The following FGA variants were observed in gnomAD, a reference collection of about 807,000 sequenced individuals.
FGA encodes the protein fibrinogen, A alpha polypeptide.
FGA carries 20 observed loss-of-function variants against 20.3 expected under a neutral mutation model. The observed-to-expected ratio is 0.99, with a 90% CI of 0.69 to 1.43. The LOEUF (loss-of-function observed/expected upper bound fraction) is 1.43, where lower values mean the gene tolerates loss of function less well. Among genes scored for constraint, FGA ranks in the 40% most tolerant of loss-of-function variants. FGA has a pLI of 0.00. For synonymous variants in FGA, 306 were observed against 281.6 expected (o/e 1.09, Z -0.87); for missense variants, 777 against 784.7 (o/e 0.99, Z 0.12).
chr4:154,590,114 T>C (rs1266587887), intron 1 of FGA, among the ~76,000 whole-genome samples: 2 of 152,232 alleles, frequency 1.3e-5, no homozygotes, highest in Admixed American at 1.3e-4. Flanking sequence ...TAATCTCTTC[T>C]GATACTGCAA....
At chr4:154,584,900 T>A, downstream of FGA, 1 of 1,175,636 alleles carries the variant, frequency 8.5e-7, no homozygotes, top group South Asian at 1.2e-5. Context: ...TAGGCACGGC[T>A]CAGATTAAAT....
chr4:154,587,021 A>AT (rs908885120), intron 4 of FGA, 103 bp from the exon 5 acceptor site: 122 of 1,192,874 alleles, frequency 1.0e-4, no homozygotes, highest in African/African-American at 6.8e-4. Flanking sequence ...AACTGGTTTC[A>AT]TTTTTTTTGA....
rs1407449111 is a variant in FGA, at chr4:154,586,360, T to A, written c.1069A>T (p.Thr357Ser). The A allele has an allele frequency of 6.2e-7, 1 of 1,614,178 alleles. No individual in the cohort carries two copies. The highest frequency in any genetic ancestry group is 1.3e-5 in the African/African-American group (1 of 75,034). ...QNPGSPRPGSTGTWNPGSSER... is the reference protein window; with the variant it reads ...QNPGSPRPGSSGTWNPGSSER... ...GAGCTGCCAGGATTCCAGGTTCCGG[T>A]ACTACCAGGTCTAGGGCTCCCAGGG... The change falls in exon 5 of 5, where the codon ACC becomes TCC. Residue 357 changes from threonine to serine, a missense_variant. Coordinates refer to ENST00000403106, the MANE Select transcript of FGA (RefSeq NM_021871.4).
Position 154,585,503 on chromosome 4 carries a change from C to T in FGA, c.1926G>A (p.Leu642=), listed in dbSNP as rs1313361407. 6.3e-7 allele frequency: 1 copy of T among 1,586,780 alleles called. No homozygotes were observed. Among genetic ancestry groups the T allele is most frequent in the African/African-American group, 1.3e-5 (1 of 74,284 alleles). The part of the protein sequence containing the change: ...IHTSPLGKPS[L]SP ...AAATATTTAACTTAGTCTAGGGGGA[C>T]AGGGAAGGCTTCCCCAAAGGAGAAG... is the stretch of plus-strand genomic sequence containing the variant. The change falls in exon 5 of 5, where the codon CTG becomes CTA. Residue 642 remains leucine, a synonymous_variant. Coordinates refer to ENST00000403106, the MANE Select transcript of FGA (RefSeq NM_021871.4).
Position 154,585,642 on chromosome 4 carries a change from A to C in FGA, c.1787T>G (p.Phe596Cys). 1 of 1,614,154 alleles carries C rather than the reference A, an allele frequency of 6.2e-7. No homozygotes were observed. Among genetic ancestry groups the C allele is most frequent in the Non-Finnish European group, 8.5e-7 (1 of 1,179,998 alleles). The change falls in exon 5 of 5, where the codon TTT (phenylalanine) becomes TGT (cysteine). Residue 596 changes from phenylalanine to cysteine, a missense_variant. Physicochemically the swap from Phe to Cys is radical, Grantham distance 205. Coordinates refer to ENST00000403106, the MANE Select transcript of FGA (RefSeq NM_021871.4). ...STSYNRGDST[F>C]ESKSYKMADE... The stretch of plus-strand genomic sequence containing the variant: ...TGCCATTTTATAGCTCTTGCTTTCA[A>C]ATGTGGAGTCTCCTCTGTTGTAACT...
At position 154,590,713 on chromosome 4, in the gene FGA, T is replaced by C; in HGVS notation, c.-26A>G. 6.5e-7 allele frequency: 1 copy of C among 1,529,442 alleles called. No homozygotes were observed. Among genetic ancestry groups the C allele is most frequent in the East Asian group, 2.4e-5 (1 of 40,926 alleles). 94.7% of individuals were successfully genotyped at this position (1,529,442 alleles called of 1,614,324 possible). ...CTTTTCTAAGGGTGGGGCTGGCTCCTGAGGAGCACTCCAGCTGAAAGAAAG... is the reference window on the plus strand; with the variant it reads ...CTTTTCTAAGGGTGGGGCTGGCTCCCGAGGAGCACTCCAGCTGAAAGAAAG... On this transcript the variant is annotated 5_prime_UTR_variant, in exon 1 of 5. Transcript: ENST00000403106.
At position 154,585,645 on chromosome 4, in the gene FGA, G is replaced by A. The variant is rs774461719; in HGVS notation, c.1784C>T (p.Thr595Ile). ...SSTSYNRGDSTFESKSYKMAD... is the reference protein window; with the variant it reads ...SSTSYNRGDSIFESKSYKMAD... ...CATTTTATAGCTCTTGCTTTCAAAT[G>A]TGGAGTCTCCTCTGTTGTAACTCGT... is the stretch of plus-strand genomic sequence containing the variant. The change falls in exon 5 of 5, where the codon ACA becomes ATA. Residue 595 changes from threonine (T) to isoleucine (I), a missense_variant. Physicochemically the swap from Thr to Ile is moderately conservative, Grantham distance 89. Transcript: ENST00000403106. 8 of 1,614,056 alleles carry A rather than the reference G, an allele frequency of 5.0e-6. No individual in the cohort carries two copies. In the East Asian group the frequency reaches 1.1e-4, roughly 22 times the overall value.
At chr4:154,584,287 T>C, downstream of FGA, 1 of 1,614,122 alleles carries the variant, frequency 6.2e-7, no homozygotes, top group Non-Finnish European at 8.5e-7. Context: ...ATTGGCTGCT[T>C]GGCAGTTATT....
chr4:154,586,936 A>G lies in FGA; in HGVS notation c.511-18T>C. On this transcript the variant is annotated intron_variant, in intron 4 of 4. Coordinates refer to ENST00000403106, the MANE Select transcript of FGA (RefSeq NM_021871.4). The stretch of plus-strand genomic sequence containing the variant: ...ATGTCCACCTAGAGAGAGGGGAGAA[A>G]AATAAAGAGAAAATGTAGATACAAA... 1.2e-6 allele frequency: 2 copies of G among 1,609,976 alleles called. No individual in the cohort carries two copies.
At chr4:154,588,715 T>C in intron 3 of FGA, 78 bp downstream of exon 3, 1 of 1,023,306 alleles carries the variant, frequency 9.8e-7, no homozygotes, top group Non-Finnish European at 1.5e-6. Flanking sequence ...TTGTCATAGA[T>C]ATAAGCGGAT....
chr4:154,585,769 A>G lies in FGA; in HGVS notation c.1660T>C (p.Phe554Leu). 6.2e-7 allele frequency: 1 copy of G among 1,614,182 alleles called. No individual in the cohort carries two copies. The highest frequency in any genetic ancestry group is 8.5e-7 in the Non-Finnish European group (1 of 1,180,034). Reference protein sequence around the residue: ...TESRGSESGIFTNTKESSSHH... With the variant: ...TESRGSESGILTNTKESSSHH... ...GAACTGGATTCCTTTGTATTTGTGA[A>G]GATGCCAGATTCTGAGCCCCTAGAC... The change falls in exon 5 of 5, where the codon TTC (phenylalanine) becomes CTC (leucine). Residue 554 changes from phenylalanine to leucine, a missense_variant. Physicochemically the swap from Phe to Leu is conservative, Grantham distance 22. Transcript: ENST00000403106.
chr4:154,584,245 T>C, downstream of FGA: 7 of 1,614,116 alleles, frequency 4.3e-6, no homozygotes, highest in Non-Finnish European at 5.9e-6. Flanking sequence ...CCTTGGGTCA[T>C]AGGAGCCCCC....
At chr4:154,586,951 G>A (rs370336590) in intron 4 of FGA, 33 bp from the exon 5 acceptor site, 3 of 1,599,200 alleles carry the variant, frequency 1.9e-6, no homozygotes, top group Non-Finnish European at 2.6e-6. Context: ...AAGAGAAAAT[G>A]TAGATACAAA....
chr4:154,590,534 G>A (rs1730842799), intron 1 of FGA, 100 bp downstream of exon 1: 2 of 1,021,686 alleles, frequency 2.0e-6, no homozygotes, highest in Admixed American at 2.0e-5. Flanking sequence ...ATAAAGCTAA[G>A]AGTGTGTCAG....
chr4:154,583,959 A>G (rs1191781804), downstream of FGA: 1 of 639,316 alleles, frequency 1.6e-6, no homozygotes, highest in Non-Finnish European at 2.8e-6. Context: ...TTTATTTTTC[A>G]AAGACTAATA....
intron 4 of FGA, 68 bp downstream of exon 4, chr4:154,587,444 A>T: frequency 7.1e-7 from 1 of 1,402,418 alleles, no homozygotes; most frequent in Non-Finnish European, 1.0e-6. Context: ...CACTCAGTGC[A>T]TAACTATCGC....
intron 3 of FGA, among the ~76,000 whole-genome samples, chr4:154,588,459 T>A (rs1730789944): frequency 1.3e-5 from 2 of 152,208 alleles, no homozygotes; most frequent in Admixed American, 1.3e-4. Context: ...GTTTTCACCT[T>A]TACAAAGCAG....
At chr4:154,587,259 T>C (rs1281856926) in intron 4 of FGA, among the ~76,000 whole-genome samples, 1 of 152,214 alleles carries the variant, frequency 6.6e-6, no homozygotes, top group Non-Finnish European at 1.5e-5. Context: ...GGTGATGTAA[T>C]GGGCTTTGGA....
downstream of FGA, chr4:154,584,481 A>G (rs368008640): frequency 5.9e-5 from 95 of 1,614,052 alleles, no homozygotes; most frequent in Middle Eastern, 1.8e-3. Flanking sequence ...CATAGCCTTC[A>G]GCCTCAGAGC....
Sources: gnomAD v4.1 joint callset for allele counts (sites outside exome capture counted in the v4.1 genomes callset) on GRCh38, gnomAD v4.1.1 for gene constraint, MANE v1.5 for transcripts, NCBI Gene and HGNC (gene_info 2026-07-23, HGNC 2026-07-21) for gene names.